Variants in BCO1 observed in about 807,000 individuals in gnomAD.
The protein encoded by BCO1 is beta,beta-carotene 15,15'-dioxygenase.
In BCO1, 54 loss-of-function variants were observed where a neutral mutation model predicts 56.3. The ratio of observed to expected loss-of-function variants is 0.96; its 90% CI spans 0.77 to 1.20. The LOEUF is 1.20. Among genes scored for constraint, BCO1 ranks in the 50% most tolerant of loss-of-function variants. The pLI is 0.00. For synonymous variants in BCO1, 318 were observed against 266.1 expected (o/e 1.20, Z -1.90); for missense variants, 801 against 690.9 (o/e 1.16, Z -1.79).
rs1906533046 is a variant in BCO1 at position 81,262,255 on chromosome 16, A to C, written c.443A>C (p.Asn148Thr). ...TSETNYIRKINPQTLETLEKV... is the reference protein window; with the variant it reads ...TSETNYIRKITPQTLETLEKV... Reference sequence around the variant, plus strand: ...GAGACCAATTACATCAGGAAAATCAACCCACAGACTCTGGAAACCCTGGAG... The same window carrying C: ...GAGACCAATTACATCAGGAAAATCACCCCACAGACTCTGGAAACCCTGGAG... The change falls in exon 4 of 11, where the codon AAC becomes ACC. Residue 148 changes from asparagine to threonine, a missense_variant. Asn to Thr is a moderately conservative substitution (Grantham distance 65). Coordinates refer to ENST00000258168, the MANE Select transcript of BCO1 (RefSeq NM_017429.3). 1 of 1,613,768 alleles carries C rather than the reference A, an allele frequency of 6.2e-7. No individual in the cohort carries two copies.
At chr16:81,290,066 G>A (rs767824922) in intron 10 of BCO1, among the ~76,000 whole-genome samples, 28 of 152,270 alleles carry the variant, frequency 1.8e-4, no homozygotes, top group South Asian at 4.1e-4. Context: ...GTTTCACCAC[G>A]TTGGCCAGAC....
intron 2 of BCO1, among the ~76,000 whole-genome samples, chr16:81,247,126 A>T (rs541801240): frequency 6.6e-6 from 1 of 152,266 alleles, no homozygotes; most frequent in South Asian, 2.1e-4. Flanking sequence ...TCCAGGATGG[A>T]TTTAGCGGGC....
rs372273112 is a variant in BCO1 at position 81,270,775 on chromosome 16, C to T, written c.1101+359C>T. Among the ~76,000 whole-genome samples, 16 of 149,724 alleles carry T rather than the reference C, an allele frequency of 1.1e-4. No individual in the cohort carries two copies. The East Asian group carries it at 2.2e-3, about 20-fold the overall frequency. On this transcript the variant is annotated intron_variant, in intron 7 of 10. Coordinates refer to ENST00000258168, the MANE Select transcript of BCO1 (RefSeq NM_017429.3). ...TTTTTTTTTTTTTGAGACGTAGTCT[C>T]GCTCTGTCACCCAGGCTGGAGTGCA...
intron 3 of BCO1, chr16:81,261,929 A>G: frequency 1.9e-6 from 1 of 527,962 alleles, no homozygotes; most frequent in South Asian, 1.9e-5. Context: ...TTTTTAGTAC[A>G]GACGGGGTTT....
chr16:81,259,212 G>T (rs1195733704), intron 2 of BCO1, among the ~76,000 whole-genome samples: 1 of 152,174 alleles, frequency 6.6e-6, no homozygotes, highest in Non-Finnish European at 1.5e-5. Flanking sequence ...TTATATTCCA[G>T]GCCGGGCATG....
intron 7 of BCO1, among the ~76,000 whole-genome samples, chr16:81,273,610 A>G (rs1269318997): frequency 6.7e-6 from 1 of 148,214 alleles, no homozygotes; most frequent in African/African-American, 2.5e-5. Context: ...GTCATATTTT[A>G]TATCACCTCT....
intron 6 of BCO1, 112 bp downstream of exon 6, chr16:81,268,243 C>A: frequency 1.0e-6 from 1 of 989,728 alleles, no homozygotes; most frequent in Non-Finnish European, 1.6e-6. Flanking sequence ...AGGGAGGAGG[C>A]TACCAGAGGC....
At chr16:81,247,576 G>A (rs765569023) in intron 2 of BCO1, among the ~76,000 whole-genome samples, 2 of 151,610 alleles carry the variant, frequency 1.3e-5, no homozygotes, top group Admixed American at 1.3e-4. Flanking sequence ...GCCCAGGCTG[G>A]TGTGCAATGG....
chr16:81,241,860 G>C lies in BCO1; in HGVS notation c.64+2888G>C, dbSNP rs1296887270. ...TGCAGGGAGCACATGCAAAGGTTTT[G>C]GCTTTGTAACTGGCTGTGCCGACAC... On this transcript the variant is annotated intron_variant, in intron 1 of 10. Transcript: ENST00000258168. 3.9e-5 allele frequency among the ~76,000 whole-genome samples: 6 copies of C among 152,130 alleles called. No homozygotes were observed. In the East Asian group the frequency reaches 1.2e-3, roughly 29 times the overall value.
chr16:81,275,289 A>G (rs2150631969), intron 7 of BCO1, among the ~76,000 whole-genome samples: 1 of 152,278 alleles, frequency 6.6e-6, no homozygotes, highest in South Asian at 2.1e-4. Flanking sequence ...CTGGCTGCAC[A>G]TTGGGATCCC....
chr16:81,259,621 T>G, intron 2 of BCO1, 55 bp from the exon 3 acceptor site: 1 of 1,613,202 alleles, frequency 6.2e-7, no homozygotes. Context: ...CTGACATTGA[T>G]TTTAAAGCCC....
chr16:81,245,730 T>C (rs2151926397), intron 2 of BCO1, 127 bp downstream of exon 2: 2 of 1,252,738 alleles, frequency 1.6e-6, no homozygotes, highest in African/African-American at 1.5e-5. Flanking sequence ...CTCACTGAAC[T>C]GAAATCAAGG....
rs780538586 is a variant in BCO1, at chr16:81,245,507, C to T, written c.97C>T (p.Leu33Phe). 2 of 1,613,782 alleles carry T rather than the reference C, an allele frequency of 1.2e-6. No homozygotes were observed. Among genetic ancestry groups the T allele is most frequent in the East Asian group, 2.2e-5 (1 of 44,878 alleles). Reference sequence around the variant, plus strand: ...TCCAGCATGGCTGCAGGGAACCCTGCTCCGCAATGGGCCTGGGATGCACAC... The same window carrying T: ...TCCAGCATGGCTGCAGGGAACCCTGTTCCGCAATGGGCCTGGGATGCACAC... ...KIPAWLQGTLLRNGPGMHTVG... is the reference protein window; with the variant it reads ...KIPAWLQGTLFRNGPGMHTVG... Residue 33 changes from leucine to phenylalanine, a missense_variant, in exon 2 of 11, where the codon CTC becomes TTC. Leu to Phe is a conservative substitution (Grantham distance 22). Transcript: ENST00000258168.
intron 6 of BCO1, among the ~76,000 whole-genome samples, chr16:81,268,806 T>C (rs531887099): frequency 6.6e-6 from 1 of 152,126 alleles, no homozygotes; most frequent in African/African-American, 2.4e-5. Flanking sequence ...TGAGACAGAG[T>C]GTTGCTCTGT....
chr16:81,273,448 T>G (rs576786483), intron 7 of BCO1, among the ~76,000 whole-genome samples: 1 of 152,194 alleles, frequency 6.6e-6, no homozygotes, highest in African/African-American at 2.4e-5. Context: ...CCGCCCAGTT[T>G]CTCAGTGCAG....
chr16:81,245,545 C>G lies in BCO1; in HGVS notation c.135C>G (p.Ser45=). 1 of 1,613,776 alleles carries G rather than the reference C, an allele frequency of 6.2e-7. No homozygotes were observed. Among genetic ancestry groups the G allele is most frequent in the South Asian group, 1.1e-5 (1 of 91,058 alleles). The change falls in exon 2 of 11, where the codon TCC becomes TCG. Residue 45 remains serine (S), a synonymous_variant. Coordinates refer to ENST00000258168, the MANE Select transcript of BCO1 (RefSeq NM_017429.3). ...NGPGMHTVGE[S]RYNHWFDGLA... ...CTGGGATGCACACAGTTGGGGAGTCCAGATACAACCATTGGTTCGACGGCC... is the reference window on the plus strand; with the variant it reads ...CTGGGATGCACACAGTTGGGGAGTCGAGATACAACCATTGGTTCGACGGCC...
intron 9 of BCO1, among the ~76,000 whole-genome samples, chr16:81,286,685 A>T (rs1232269550): frequency 6.6e-6 from 1 of 152,062 alleles, no homozygotes; most frequent in Non-Finnish European, 1.5e-5. Flanking sequence ...CCCTGTCTCT[A>T]TATTAAAAAA....
chr16:81,239,044 T>A, intron 1 of BCO1, 72 bp downstream of exon 1: 1 of 1,328,330 alleles, frequency 7.5e-7, no homozygotes, highest in Non-Finnish European at 1.0e-6. Context: ...TGAGGCGGAG[T>A]CTCGCTCTGT....
chr16:81,264,035 C>T (rs1195031169), intron 4 of BCO1: 3 of 158,622 alleles, frequency 1.9e-5, no homozygotes, highest in Admixed American at 5.9e-5. Context: ...GGTCTGCGGC[C>T]ACTCCATCAT....
Sources: allele counts gnomAD v4.1 joint callset (sites outside exome capture counted in the v4.1 genomes callset), GRCh38; gene constraint gnomAD v4.1.1; transcripts MANE v1.5; gene names NCBI Gene and HGNC (gene_info 2026-07-23, HGNC 2026-07-21).